Variants in SYNE2 observed in about 807,000 individuals in gnomAD.
SYNE2 encodes nesprin-2.
Under a neutral mutation model 856.3 loss-of-function variants are expected in SYNE2, and 431 were observed. That is an observed-to-expected ratio of 0.50 (90% CI 0.47 to 0.55). The LOEUF is 0.55. Among genes scored for constraint, SYNE2 ranks in the 20% least tolerant of loss-of-function variants. The pLI is 0.00. For synonymous variants in SYNE2, 2,923 were observed against 2,872.3 expected, an observed-to-expected ratio of 1.02 and a Z score of -0.56; for missense variants, 8,129 against 8,023.2, an observed-to-expected ratio of 1.01 and a Z score of -0.50.
chr14:63,844,432 C>T (rs1890167070), intron 1 of SYNE2, among the ~76,000 whole-genome samples: 1 of 152,168 alleles, frequency 6.6e-6, no homozygotes, highest in Non-Finnish European at 1.5e-5. Context: ...TGAAGGACAT[C>T]TTGGTTGCTA....
Position 64,175,037 on chromosome 14 carries a change from A to G in SYNE2, c.17329A>G (p.Lys5777Glu), listed in dbSNP as rs925387217. ...ACTGCTCACAACTGACCTGAAAACT[A>G]AAGAGTCTGTGGGTAGGAGAATCAG... ...KLLLTTDLKT[K>E]ESVGRRISQL... Residue 5777 changes from lysine to glutamate, a missense_variant, in exon 95 of 116, where the codon AAA becomes GAA. Around this residue, in one of 3 missense-constraint regions of SYNE2, gnomAD observed 5,410 missense variants for 5,284.8 expected, o/e 1.02. Coordinates refer to ENST00000555002, the MANE Select transcript of SYNE2 (RefSeq NM_182914.3). 1.2e-6 allele frequency: 2 copies of G among 1,614,050 alleles called. No individual in the cohort carries two copies. The highest frequency in any genetic ancestry group is 1.3e-5 in the African/African-American group (1 of 74,916).
chr14:64,206,414 A>T (rs184245755), intron 100 of SYNE2, among the ~76,000 whole-genome samples: 150 of 151,904 alleles, frequency 9.9e-4, no homozygotes, highest in Middle Eastern at 3.4e-3. Context: ...CTTGTCTAGC[A>T]CTTAAATGGT....
At chr14:63,814,701 CATATATATCCATATATATCCAT>C (rs1888792425) in intron 1 of SYNE2, among the ~76,000 whole-genome samples, 1 of 85,682 alleles carries the variant, frequency 1.2e-5, no homozygotes, top group Non-Finnish European at 2.3e-5. Flanking sequence ...TATATATATC[CATATATATCCATATATATCCAT>C]ATATATATCC....
At position 64,225,572 on chromosome 14, in the gene SYNE2, G is replaced by A. The variant is rs2098715465; in HGVS notation, c.*46G>A. Reference sequence around the variant, plus strand: ...GCTACACCACCTGCCTGATTGCCAAGGGTGCCCAGCACGTGGCCCCAGACC... The same window carrying A: ...GCTACACCACCTGCCTGATTGCCAAAGGTGCCCAGCACGTGGCCCCAGACC... On this transcript the variant is annotated 3_prime_UTR_variant, in exon 116 of 116. Transcript: ENST00000555002. 6.3e-7 allele frequency: 1 copy of A among 1,598,896 alleles called. No individual in the cohort carries two copies. Among genetic ancestry groups the A allele is most frequent in the South Asian group, 1.1e-5 (1 of 89,610 alleles).
intron 2 of SYNE2, among the ~76,000 whole-genome samples, chr14:63,915,253 T>TTGA (rs994184959): frequency 6.6e-6 from 1 of 152,226 alleles, no homozygotes; most frequent in Non-Finnish European, 1.5e-5. Context: ...GAGGATCTAT[T>TTGA]TGAAAGTCAT....
intron 66 of SYNE2, among the ~76,000 whole-genome samples, chr14:64,114,154 T>A (rs2097835774): frequency 6.6e-6 from 1 of 152,166 alleles, no homozygotes; most frequent in African/African-American, 2.4e-5. Context: ...AGGAATGCCC[T>A]GGGTTTTGCT....
intron 60 of SYNE2, 113 bp downstream of exon 60, chr14:64,091,161 C>A: frequency 1.0e-6 from 1 of 982,374 alleles, no homozygotes; most frequent in Non-Finnish European, 1.6e-6. Context: ...TAGGAGGTGG[C>A]ATTTGATATA....
chr14:64,056,566 C>T (rs2097271240), intron 49 of SYNE2, among the ~76,000 whole-genome samples: 1 of 151,468 alleles, frequency 6.6e-6, no homozygotes, highest in African/African-American at 2.4e-5. Flanking sequence ...AAACTAATAT[C>T]TTTGTACCCA....
At chr14:64,028,521 C>T (rs2097000973) in intron 43 of SYNE2, among the ~76,000 whole-genome samples, 1 of 152,132 alleles carries the variant, frequency 6.6e-6, no homozygotes, top group Admixed American at 6.5e-5. Context: ...TCTGGAATAG[C>T]TTGGATGACC....
At position 64,167,337 on chromosome 14, in the gene SYNE2, T is replaced by C. The variant is rs1356695416; in HGVS notation, c.16710T>C (p.Asn5570=). The C allele has an allele frequency of 1.2e-6, 2 of 1,614,200 alleles. No individual in the cohort carries two copies. The highest frequency in any genetic ancestry group is 2.2e-5 in the South Asian group (2 of 91,084). ...LSDVAVKTLQ[N]MNRQWIRATA... ...ACGTAGCTGTGAAGACGTTACAAAA[T>C]ATGAACCGGCAATGGATTCGGGCCA... Residue 5570 remains asparagine (N), a synonymous_variant, in exon 91 of 116, where the codon AAT becomes AAC. Transcript: ENST00000555002.
chr14:64,138,912 T>TTGTGTGTGTGTGTGTG lies in SYNE2; in HGVS notation c.14843+941_14843+956dup, dbSNP rs143789075. On this transcript the variant is annotated intron_variant, in intron 79 of 115. Coordinates refer to ENST00000555002, the MANE Select transcript of SYNE2 (RefSeq NM_182914.3). The stretch of plus-strand genomic sequence containing the variant: ...GTTATACAGCTTATACAAATGCTGG[T>TTGTGTGTGTGTGTGTG]TGTGTGTGTGTGTGTGTGTGTGTGT... 1.7e-4 allele frequency among the ~76,000 whole-genome samples: 24 copies of TTGTGTGTGTGTGTGTG among 144,298 alleles called. 1 individual carries two copies. The highest frequency in any genetic ancestry group is 4.7e-4 in the African/African-American group (18 of 38,148). 94.7% of individuals were successfully genotyped at this position (144,298 alleles called of 152,430 possible).
At chr14:64,100,532 A>ATATC (rs2097717163) in intron 63 of SYNE2, among the ~76,000 whole-genome samples, 2 of 43,188 alleles carry the variant, frequency 4.6e-5, no homozygotes, top group East Asian at 2.0e-3. Flanking sequence ...AAAAAAAAAA[A>ATATC]TATATATATA....
chr14:63,832,090 G>A (rs1449386015), intron 1 of SYNE2, among the ~76,000 whole-genome samples: 6 of 151,984 alleles, frequency 3.9e-5, no homozygotes. Flanking sequence ...AAATAAACAT[G>A]CTAGATTAAA....
At chr14:64,134,833 A>T (rs1010835461) in intron 78 of SYNE2, among the ~76,000 whole-genome samples, 3 of 152,000 alleles carry the variant, frequency 2.0e-5, no homozygotes, top group African/African-American at 7.2e-5. Flanking sequence ...AAAAAAAAAA[A>T]AAAATTAGCT....
At chr14:63,962,974 G>T (rs1193940115) in intron 9 of SYNE2, among the ~76,000 whole-genome samples, 2 of 152,236 alleles carry the variant, frequency 1.3e-5, no homozygotes, top group Non-Finnish European at 2.9e-5. Flanking sequence ...CTTCTAAGAT[G>T]ATAAATGAGT....
chr14:64,014,974 T>TATATATATACAC (rs1434593932), intron 32 of SYNE2, among the ~76,000 whole-genome samples: 1 of 84,898 alleles, frequency 1.2e-5, no homozygotes, highest in Non-Finnish European at 2.3e-5. Flanking sequence ...TATATATATA[T>TATATATATACAC]ACACACACAC....
chr14:64,023,187 C>T (rs528204225), intron 38 of SYNE2: 6 of 311,430 alleles, frequency 1.9e-5, no homozygotes, highest in Non-Finnish European at 3.6e-5. Flanking sequence ...GTGTAGTGAG[C>T]TGAGATCATG....
chr14:64,020,776 T>G (rs572408950), intron 35 of SYNE2, among the ~76,000 whole-genome samples: 1 of 152,354 alleles, frequency 6.6e-6, no homozygotes, highest in South Asian at 2.1e-4. Context: ...AGATTTGTTT[T>G]TGTTTTTCTT....
chr14:64,136,289 CAA>C (rs34694248), intron 78 of SYNE2, among the ~76,000 whole-genome samples: 981 of 62,034 alleles, frequency 0.016, 9 homozygotes, highest in African/African-American at 0.046. Flanking sequence ...GACTTCATCT[CAA>C]AAAAAAAAAA....
Sources: allele counts gnomAD v4.1 joint callset (sites outside exome capture counted in the v4.1 genomes callset), GRCh38; gene constraint gnomAD v4.1.1; regional missense constraint gnomAD v4.1.1; transcripts MANE v1.5; gene names NCBI Gene and HGNC (gene_info 2026-07-23, HGNC 2026-07-21).